FAM177A1: variants seen among roughly 807,000 people sequenced by gnomAD.
FAM177A1 encodes the protein protein FAM177A1.
FAM177A1 carries 22 observed loss-of-function variants against 26.1 expected under a neutral mutation model. That is an observed-to-expected ratio of 0.84 (90% CI 0.60 to 1.20). FAM177A1 has a LOEUF of 1.20. FAM177A1 is among the 50% of genes most tolerant of loss of function. The pLI is 0.00. For missense variants in FAM177A1, 296 were observed against 291.1 expected (o/e 1.02, Z -0.12); for synonymous variants, 95 against 99.3 (o/e 0.96, Z 0.26).
chr14:35,046,879 G>A, intron 1 of FAM177A1: 1 of 1,308,140 alleles, frequency 7.6e-7, no homozygotes, highest in South Asian at 2.0e-5. Flanking sequence ...TGGGGTGATA[G>A]TCCAGCTTCT....
chr14:35,045,243 G>A (rs1282419923), upstream of FAM177A1: 2 of 152,186 alleles, frequency 1.3e-5, no homozygotes, highest in East Asian at 1.9e-4. Context: ...TTTATTACCA[G>A]GATAGAGAGC....
rs1010630382 is a variant in FAM177A1 at position 35,082,254 on chromosome 14, C to G, written c.*1026C>G. 1 of 152,142 alleles carries G rather than the reference C, an allele frequency of 6.6e-6. No homozygotes were observed. The highest frequency in any genetic ancestry group is 1.5e-5 in the Non-Finnish European group (1 of 68,060). The allele number at this position is 152,142 out of a possible 1,614,324, so 9.4% of individuals were successfully genotyped here. A position where few individuals can be genotyped will look rare whatever the true frequency, so the allele number is the denominator to read the frequency against. On this transcript the variant is annotated 3_prime_UTR_variant, in exon 5 of 5. Coordinates refer to ENST00000280987, the MANE Select transcript of FAM177A1 (RefSeq NM_173607.5). Reference sequence around the variant, plus strand: ...ATATGGCCAGGTACGGTGCTCACACCTGTAATCCCAGCACTTTGGGAGGCT... The same window carrying G: ...ATATGGCCAGGTACGGTGCTCACACGTGTAATCCCAGCACTTTGGGAGGCT...
At chr14:35,075,657 C>A (rs1417588174) in intron 2 of FAM177A1, among the ~76,000 whole-genome samples, 1 of 152,180 alleles carries the variant, frequency 6.6e-6, no homozygotes, top group Non-Finnish European at 1.5e-5. Context: ...TCAGAGTGAA[C>A]AGGCAACCTA....
In FAM177A1 at chr14:35,048,341, G is replaced by C. The variant is rs575320318; in HGVS notation, c.165+1713G>C. ...ATACCAGCTAAATGTTGTTTGAAGT[G>C]AGAGGCTCTTTGATTGGGGTTAGTG... On this transcript the variant is annotated intron_variant, in intron 1 of 4. Transcript: ENST00000280987. 7.2e-5 allele frequency among the ~76,000 whole-genome samples: 11 copies of C among 152,258 alleles called. No homozygotes were observed. The South Asian group carries it at 2.3e-3, about 32-fold the overall frequency.
intron 2 of FAM177A1, among the ~76,000 whole-genome samples, chr14:35,072,074 A>T (rs1197226750): frequency 6.6e-6 from 1 of 152,138 alleles, no homozygotes; most frequent in East Asian, 1.9e-4. Flanking sequence ...CAGGAGTTTG[A>T]GACCAGCCTG....
At chr14:35,054,060 G>A (rs8019741) in intron 2 of FAM177A1, among the ~76,000 whole-genome samples, 24,886 of 152,032 alleles carry the variant, frequency 0.16, 2,270 homozygotes, top group African/African-American at 0.23. Flanking sequence ...GGACTGTACT[G>A]CCATGATAGT....
rs1411556884 is a variant in FAM177A1 at position 35,046,302 on chromosome 14, G to A, written c.-162G>A. ...GCAGTTGGCCAGCTCTCGGGGTGCG[G>A]AGCCCGGCGGGCTAGGCGAGGCGCG... is the stretch of plus-strand genomic sequence containing the variant. On this transcript the variant is annotated 5_prime_UTR_variant, in exon 1 of 5. Transcript: ENST00000280987. The A allele has an allele frequency of 2.5e-6, 2 of 803,476 alleles. No individual in the cohort carries two copies. The highest frequency in any genetic ancestry group is 3.6e-5 in the African/African-American group (2 of 54,838). 49.8% of individuals were successfully genotyped at this position (803,476 alleles called of 1,614,324 possible).
intron 4 of FAM177A1, 109 bp from the exon 5 acceptor site, chr14:35,080,911 ACT>A (rs1491317587): frequency 1.4e-4 from 143 of 1,023,736 alleles, no homozygotes; most frequent in Non-Finnish European, 1.8e-4. Flanking sequence ...TGAACATGAC[ACT>A]TTTTTTTTTT....
rs1491565535 is a variant in FAM177A1, at chr14:35,083,106, C to CA, written c.*1879dup. 6.6e-6 allele frequency: 1 copy of CA among 152,536 alleles called. No homozygotes were observed. The highest frequency in any genetic ancestry group is 2.4e-5 in the African/African-American group (1 of 41,394). The allele number at this position is 152,536 out of a possible 1,614,324, so 9.4% of individuals were successfully genotyped here. A position where few individuals can be genotyped will look rare whatever the true frequency, so the allele number is the denominator to read the frequency against. ...TTCATTCGAGATAGTACCTCTCACTCACAGATATTTATTTGGTTATCAAGT... is the reference window on the plus strand; with the variant it reads ...TTCATTCGAGATAGTACCTCTCACTCAACAGATATTTATTTGGTTATCAAGT... On this transcript the variant is annotated 3_prime_UTR_variant, in exon 5 of 5. Coordinates refer to ENST00000280987, the MANE Select transcript of FAM177A1 (RefSeq NM_173607.5).
intron 1 of FAM177A1, 135 bp downstream of exon 1, chr14:35,046,763 C>T (rs548654520): frequency 1.0e-5 from 14 of 1,393,828 alleles, no homozygotes; most frequent in Middle Eastern, 1.8e-4. Flanking sequence ...TCACTGCACC[C>T]CTGTTTCTGC....
intron 2 of FAM177A1, among the ~76,000 whole-genome samples, chr14:35,065,212 C>T (rs1034574785): frequency 2.7e-5 from 4 of 149,804 alleles, no homozygotes; most frequent in African/African-American, 9.9e-5. Context: ...CTCTCTCTCT[C>T]GCCCAGGCTG....
Position 35,046,440 on chromosome 14 carries a change from A to C in FAM177A1, c.-24A>C. 1 of 1,525,936 alleles carries C rather than the reference A, an allele frequency of 6.6e-7. No individual in the cohort carries two copies. Among genetic ancestry groups the C allele is most frequent in the Non-Finnish European group, 8.8e-7 (1 of 1,131,892 alleles). 94.5% of individuals were successfully genotyped at this position (1,525,936 alleles called of 1,614,324 possible). A position where few individuals can be genotyped will look rare whatever the true frequency, so the allele number is the denominator to read the frequency against. ...CACTTCCCGACAGCCTGGCTCGGCC[A>C]GCGACTGGGCGGGGAGACCAAGGAT... On this transcript the variant is annotated 5_prime_UTR_variant, in exon 1 of 5. Coordinates refer to ENST00000280987, the MANE Select transcript of FAM177A1 (RefSeq NM_173607.5).
intron 4 of FAM177A1, among the ~76,000 whole-genome samples, chr14:35,080,797 A>G (rs2045469212): frequency 6.6e-6 from 1 of 152,172 alleles, no homozygotes; most frequent in Non-Finnish European, 1.5e-5. Flanking sequence ...CTCAAAAAAA[A>G]CAAACAACAA....
intron 2 of FAM177A1, among the ~76,000 whole-genome samples, chr14:35,063,534 C>G (rs185481761): frequency 1.5e-3 from 223 of 151,808 alleles, no homozygotes; most frequent in African/African-American, 5.0e-3. Context: ...GTCAAGATCC[C>G]GCCATTGCAC....
intron 1 of FAM177A1, among the ~76,000 whole-genome samples, chr14:35,047,399 TC>T (rs2139052680): frequency 6.6e-6 from 1 of 152,322 alleles, no homozygotes; most frequent in South Asian, 2.1e-4. Flanking sequence ...TGACCACATT[TC>T]AAGTGCGCAT....
At chr14:35,058,662 C>T (rs945742656) in intron 2 of FAM177A1, among the ~76,000 whole-genome samples, 1 of 152,018 alleles carries the variant, frequency 6.6e-6, no homozygotes, top group African/African-American at 2.4e-5. Flanking sequence ...ATTTCTTGAG[C>T]CCAGGAGTTT....
At chr14:35,054,195 A>G (rs189056499) in intron 2 of FAM177A1, among the ~76,000 whole-genome samples, 2 of 152,168 alleles carry the variant, frequency 1.3e-5, no homozygotes, top group Admixed American at 1.3e-4. Context: ...AGCCTGGGCA[A>G]CAGAGTGAGA....
At chr14:35,048,066 A>G (rs977849370) in intron 1 of FAM177A1, among the ~76,000 whole-genome samples, 1 of 152,192 alleles carries the variant, frequency 6.6e-6, no homozygotes, top group African/African-American at 2.4e-5. Context: ...ACCAAACTCT[A>G]TATGGAATAC....
intron 2 of FAM177A1, among the ~76,000 whole-genome samples, chr14:35,067,073 T>C (rs534885468): frequency 1.1e-4 from 17 of 152,340 alleles, no homozygotes; most frequent in African/African-American, 4.1e-4. Flanking sequence ...ATTACAGGTG[T>C]GAGCTACCAT....
Sources: allele counts gnomAD v4.1 joint callset (sites outside exome capture counted in the v4.1 genomes callset), GRCh38; gene constraint gnomAD v4.1.1; transcripts MANE v1.5; gene names NCBI Gene and HGNC (gene_info 2026-07-23, HGNC 2026-07-21).